The following CTBP2 variants were observed in gnomAD, a reference collection of about 807,000 sequenced individuals.
CTBP2 encodes the protein C-terminal-binding protein 2.
A neutral mutation model predicts 80.3 loss-of-function variants in CTBP2; 30 were observed. The observed-to-expected ratio is 0.37, with a 90% CI of 0.28 to 0.51. CTBP2 has a LOEUF of 0.51. Among genes scored for constraint, CTBP2 ranks in the 20% least tolerant of loss-of-function variants. CTBP2 has a pLI of 0.93. For synonymous variants in CTBP2, 594 were observed against 587.4 expected (o/e 1.01, Z -0.16); for missense variants, 1,212 against 1,375.3 (o/e 0.88, Z 1.88).
At position 125,082,914 on chromosome 10, in the gene CTBP2, T is replaced by C. The variant is rs112788731; in HGVS notation, c.-102+28076A>G. The stretch of plus-strand genomic sequence containing the variant: ...TTTCTGAGAATTTTCACAGGACATA[T>C]GTCCAGCAGGCCTCGGCATTACCTT... On this transcript the variant is annotated intron_variant, in intron 2 of 10. Coordinates refer to the CTBP2 transcript ENST00000337195. 2.4e-3 allele frequency among the ~76,000 whole-genome samples: 360 copies of C among 152,294 alleles called. 5 individuals carry two copies. The highest frequency in any genetic ancestry group is 0.017 in the Middle Eastern group (5 of 294).
At chr10:125,029,890 G>A (rs577056661), upstream of CTBP2, among the ~76,000 whole-genome samples, 1 of 152,284 alleles carries the variant, frequency 6.6e-6, no homozygotes, top group South Asian at 2.1e-4. Context: ...AGGTTACTGA[G>A]CTGGTGTCCA....
intron 1 of CTBP2, among the ~76,000 whole-genome samples, chr10:125,014,849 GC>G (rs1956308865): frequency 6.6e-6 from 1 of 152,202 alleles, no homozygotes; most frequent in Non-Finnish European, 1.5e-5. Flanking sequence ...ACCAGCAGCC[GC>G]CTTGGCCGGC....
At chr10:125,041,005 G>A (rs1438412165) in intron 2 of CTBP2, among the ~76,000 whole-genome samples, 2 of 152,228 alleles carry the variant, frequency 1.3e-5, no homozygotes, top group African/African-American at 4.8e-5. Flanking sequence ...TCAGGAGATG[G>A]AGGTTGTCAT....
At chr10:125,118,887 G>C (rs1424027013) in intron 1 of CTBP2, among the ~76,000 whole-genome samples, 2 of 152,346 alleles carry the variant, frequency 1.3e-5, no homozygotes, top group Non-Finnish European at 2.9e-5. Flanking sequence ...GTTCCACACT[G>C]TAAGTGGACA....
intron 1 of CTBP2, among the ~76,000 whole-genome samples, chr10:125,148,966 G>A (rs1295457032): frequency 6.6e-6 from 1 of 152,256 alleles, no homozygotes; most frequent in Non-Finnish European, 1.5e-5. Flanking sequence ...TGGACACTCT[G>A]AAGATGCTAG....
intron 2 of CTBP2, chr10:125,100,791 T>C (rs1006780373): frequency 6.6e-6 from 1 of 152,192 alleles, no homozygotes; most frequent in Non-Finnish European, 1.5e-5. Context: ...AAATAGAATG[T>C]TTTTAGTGTA....
intron 1 of CTBP2, among the ~76,000 whole-genome samples, chr10:125,125,029 G>C (rs779166752): frequency 2.0e-5 from 3 of 152,140 alleles, no homozygotes; most frequent in Admixed American, 6.5e-5. Context: ...TGTAACTTGG[G>C]AGCGGTTGGT....
chr10:125,110,967 G>A (rs1430289517), intron 2 of CTBP2, 23 bp downstream of exon 2: 2 of 152,544 alleles, frequency 1.3e-5, no homozygotes, highest in Admixed American at 6.5e-5. Context: ...ACTTTTACCT[G>A]GAGATATTTC....
At chr10:125,089,917 T>C (rs571922178) in intron 2 of CTBP2, among the ~76,000 whole-genome samples, 1 of 152,284 alleles carries the variant, frequency 6.6e-6, no homozygotes, top group African/African-American at 2.4e-5. Flanking sequence ...GTCTGCACAC[T>C]GATGTTGTCC....
chr10:125,142,436 A>C (rs561043467), intron 1 of CTBP2, among the ~76,000 whole-genome samples: 1 of 152,280 alleles, frequency 6.6e-6, no homozygotes, highest in East Asian at 1.9e-4. Context: ...TTCTACTATC[A>C]AAAAGGAGTG....
intron 1 of CTBP2, among the ~76,000 whole-genome samples, chr10:125,139,228 G>A (rs563893392): frequency 8.6e-5 from 13 of 151,926 alleles, no homozygotes; most frequent in South Asian, 6.2e-4. Context: ...AAATTTAGCC[G>A]GGTGTGGTGG....
upstream of CTBP2, among the ~76,000 whole-genome samples, chr10:125,029,239 G>A (rs1388408594): frequency 2.8e-5 from 4 of 142,272 alleles, no homozygotes; most frequent in East Asian, 6.4e-4. Context: ...TTTTTTTTGA[G>A]ACACAGTTTT....
intron 1 of CTBP2, among the ~76,000 whole-genome samples, chr10:125,022,412 C>T (rs1957136518): frequency 6.6e-6 from 1 of 152,230 alleles, no homozygotes. Flanking sequence ...AAACATCTGG[C>T]CACAGGCCTG....
At chr10:125,049,266 G>C (rs1962127606) in intron 2 of CTBP2, among the ~76,000 whole-genome samples, 1 of 152,180 alleles carries the variant, frequency 6.6e-6, no homozygotes, top group Admixed American at 6.5e-5. Context: ...GCCTAATTCA[G>C]TCCCCACCGT....
chr10:125,103,255 C>G (rs577920282), intron 2 of CTBP2, among the ~76,000 whole-genome samples: 31 of 152,198 alleles, frequency 2.0e-4, no homozygotes, highest in Admixed American at 3.9e-4. Flanking sequence ...TCCACACCCC[C>G]CTGGCCCCAC....
At chr10:125,021,475 T>C (rs1773983429) in intron 1 of CTBP2, among the ~76,000 whole-genome samples, 1 of 152,088 alleles carries the variant, frequency 6.6e-6, no homozygotes, top group Non-Finnish European at 1.5e-5. Context: ...AGAAACCCAG[T>C]CTAGCCTAGC....
chr10:125,136,496 C>CA (rs1345764293), intron 1 of CTBP2, among the ~76,000 whole-genome samples: 2 of 152,226 alleles, frequency 1.3e-5, no homozygotes, highest in African/African-American at 4.8e-5. Context: ...GTGCCCAGCT[C>CA]ATTAGCCTTG....
chr10:125,095,868 G>A (rs1849468566), intron 2 of CTBP2, among the ~76,000 whole-genome samples: 1 of 152,172 alleles, frequency 6.6e-6, no homozygotes, highest in South Asian at 2.1e-4. Context: ...CCCCACTCAG[G>A]ATTCACTAAG....
intron 2 of CTBP2, among the ~76,000 whole-genome samples, chr10:125,094,218 T>G (rs1849209216): frequency 6.6e-6 from 1 of 152,152 alleles, no homozygotes; most frequent in South Asian, 2.1e-4. Context: ...TGTCCTGATT[T>G]CAGACAGCCA....
Sources: allele counts gnomAD v4.1 joint callset (sites outside exome capture counted in the v4.1 genomes callset), GRCh38; gene constraint gnomAD v4.1.1; transcripts MANE v1.5; gene names NCBI Gene and HGNC (gene_info 2026-07-23, HGNC 2026-07-21).